The following ST6GALNAC2 variants were observed in gnomAD, a reference collection of about 807,000 sequenced individuals.
ST6GALNAC2 encodes ST6 N-acetylgalactosaminide alpha-2,6-sialyltransferase 2.
Under a neutral mutation model 38.7 loss-of-function variants are expected in ST6GALNAC2, and 42 were observed. The ratio of observed to expected loss-of-function variants is 1.09; its 90% CI spans 0.85 to 1.40. The LOEUF (loss-of-function observed/expected upper bound fraction) is 1.40, where lower values mean the gene tolerates loss of function less well. Ranked by LOEUF, ST6GALNAC2 falls within the 40% of genes most tolerant of loss-of-function variation. The pLI, the probability that ST6GALNAC2 is intolerant of heterozygous loss-of-function variation, is 0.00. For synonymous variants in ST6GALNAC2, 233 were observed against 209.0 expected (o/e 1.11, Z -0.99); for missense variants, 506 against 481.7 (o/e 1.05, Z -0.47).
At chr17:76,579,051 C>T (rs190210409) in intron 1 of ST6GALNAC2, 281 of 299,866 alleles carry the variant, frequency 9.4e-4, no homozygotes, top group African/African-American at 5.0e-3. Context: ...TCCTGAGTAG[C>T]TGGGATTACA....
intron 1 of ST6GALNAC2, among the ~76,000 whole-genome samples, chr17:76,585,261 C>G (rs1451492860): frequency 2.0e-5 from 3 of 152,190 alleles, no homozygotes; most frequent in Non-Finnish European, 4.4e-5. Context: ...AAGTTGGAAA[C>G]CGGAGACTTG....
In ST6GALNAC2 at chr17:76,573,074, C is replaced by T; in HGVS notation, c.530+121G>A. ...TTTTTGCCTTGTCCATGCCCGTGTG[C>T]TGGTCACAACTGCTGAGCCGCCCAG... On this transcript the variant is annotated intron_variant, in intron 4 of 8. Coordinates refer to ENST00000225276, the MANE Select transcript of ST6GALNAC2 (RefSeq NM_006456.3). This position sits in a 1 kb window ranked among gnomAD's most constrained non-coding sequence, Gnocchi z 5.1. The T allele has an allele frequency of 9.0e-7, 1 of 1,112,726 alleles. No individual in the cohort carries two copies. The highest frequency in any genetic ancestry group is 1.3e-6 in the Non-Finnish European group (1 of 791,812). 68.9% of individuals were successfully genotyped at this position (1,112,726 alleles called of 1,614,324 possible).
chr17:76,585,197 G>A (rs182616167), intron 1 of ST6GALNAC2, among the ~76,000 whole-genome samples: 2 of 152,318 alleles, frequency 1.3e-5, no homozygotes, highest in Non-Finnish European at 2.9e-5. Context: ...GGCGGACAGA[G>A]ACCGCAGCGG....
rs777030896 is a variant in ST6GALNAC2 at position 76,585,780 on chromosome 17, CAGA to C, written c.26_28del (p.Phe9del). 6.4e-7 allele frequency: 1 copy of C among 1,555,336 alleles called. No individual in the cohort carries two copies. ...GGCAGCCGTGAGCAGGAGCAGCAGCCAGAAGAACGACCCGCGCGGGAGCCCCAT... is the reference window on the plus strand; with the variant it reads ...GGCAGCCGTGAGCAGGAGCAGCAGCCAGAACGACCCGCGCGGGAGCCCCAT... On this transcript the variant is annotated inframe_deletion, in exon 1 of 9. Coordinates refer to ENST00000225276, the MANE Select transcript of ST6GALNAC2 (RefSeq NM_006456.3).
intron 1 of ST6GALNAC2, 116 bp downstream of exon 1, chr17:76,585,568 G>T: frequency 8.3e-7 from 1 of 1,199,124 alleles, no homozygotes; most frequent in Non-Finnish European, 1.1e-6. Context: ...GCCCCAGAGG[G>T]GTCCACGCGG....
In ST6GALNAC2 at chr17:76,566,347, G is replaced by A. The variant is rs773037963; in HGVS notation, c.958-76C>T. ...CAGACACTTGGGTGAAGTGACATGA[G>A]TTTAGAAAGGTGTCCGTCTGCTGAG... On this transcript the variant is annotated intron_variant, in intron 8 of 8. Coordinates refer to ENST00000225276, the MANE Select transcript of ST6GALNAC2 (RefSeq NM_006456.3). The A allele has an allele frequency of 1.2e-4, 183 of 1,489,604 alleles. 1 individual carries two copies. Among genetic ancestry groups the A allele is most frequent in the South Asian group, 1.8e-4 (15 of 83,686 alleles). 92.3% of individuals were successfully genotyped at this position (1,489,604 alleles called of 1,614,324 possible). A position where few individuals can be genotyped will look rare whatever the true frequency, so the allele number is the denominator to read the frequency against.
chr17:76,575,412 C>T (rs1453747772), intron 2 of ST6GALNAC2, among the ~76,000 whole-genome samples: 1 of 152,064 alleles, frequency 6.6e-6, no homozygotes, highest in East Asian at 1.9e-4. Flanking sequence ...AGGAGGAGGT[C>T]ATATAGGGTG....
At chr17:76,585,579 A>C (rs989844330) in intron 1 of ST6GALNAC2, 105 bp downstream of exon 1, 85 of 1,287,682 alleles carry the variant, frequency 6.6e-5, no homozygotes, top group Non-Finnish European at 8.1e-5. Context: ...GTCCACGCGG[A>C]GGTTGGGCTG....
intron 8 of ST6GALNAC2, among the ~76,000 whole-genome samples, chr17:76,566,668 C>T (rs1292396885): frequency 6.8e-6 from 1 of 147,956 alleles, no homozygotes; most frequent in Non-Finnish European, 1.5e-5. Flanking sequence ...CCAGCCTGGG[C>T]AACATGGTAA....
chr17:76,575,560 G>A lies in ST6GALNAC2; in HGVS notation c.187-1021C>T, dbSNP rs1206714807. 2.6e-5 allele frequency among the ~76,000 whole-genome samples: 4 copies of A among 152,210 alleles called. No homozygotes were observed. The South Asian group carries it at 6.2e-4, about 24-fold the overall frequency. On this transcript the variant is annotated intron_variant, in intron 2 of 8. Coordinates refer to ENST00000225276, the MANE Select transcript of ST6GALNAC2 (RefSeq NM_006456.3). ...CAGGGGAGGCTTTCTTCGAGCCTTC[G>A]GAGGGAGCGTGGCCCTGCCAGCACC...
intron 2 of ST6GALNAC2, among the ~76,000 whole-genome samples, chr17:76,578,311 A>G (rs552191607): frequency 5.9e-5 from 9 of 152,258 alleles, no homozygotes; most frequent in African/African-American, 1.9e-4. Flanking sequence ...CCCAAAATTA[A>G]TGCTGTCTGT....
chr17:76,578,211 AC>A (rs1177944101), intron 2 of ST6GALNAC2, among the ~76,000 whole-genome samples: 5 of 152,102 alleles, frequency 3.3e-5, no homozygotes, highest in Admixed American at 6.6e-5. Flanking sequence ...TAAGCGGGGT[AC>A]TTAACTTCTT....
Position 76,585,829 on chromosome 17 carries a change from C to G in ST6GALNAC2, c.-21G>C, listed in dbSNP as rs1405087098. 5.2e-6 allele frequency: 8 copies of G among 1,526,944 alleles called. No individual in the cohort carries two copies. Among genetic ancestry groups the G allele is most frequent in the Non-Finnish European group, 7.0e-6 (8 of 1,139,892 alleles). 94.6% of individuals were successfully genotyped at this position (1,526,944 alleles called of 1,614,324 possible). A position where few individuals can be genotyped will look rare whatever the true frequency, so the allele number is the denominator to read the frequency against. ...CCCATACAGCCCCGGCCCGCGAGCGCCCCGTCCGCTGACGTCCCAGGCAGA... is the reference window on the plus strand; with the variant it reads ...CCCATACAGCCCCGGCCCGCGAGCGGCCCGTCCGCTGACGTCCCAGGCAGA... On this transcript the variant is annotated 5_prime_UTR_variant, in exon 1 of 9. Transcript: ENST00000225276.
chr17:76,575,815 C>T (rs573894429), intron 2 of ST6GALNAC2, among the ~76,000 whole-genome samples: 1 of 152,358 alleles, frequency 6.6e-6, no homozygotes, highest in South Asian at 2.1e-4. Flanking sequence ...CCTTCTATTA[C>T]TCCTGAATGG....
chr17:76,578,738 G>A lies in ST6GALNAC2; in HGVS notation c.186+18C>T. ...TTGAGGGTGCTCAAAACTGCCACAG[G>A]GTAGTCGACCACTCTACCTTTCCTG... On this transcript the variant is annotated intron_variant, in intron 2 of 8. Coordinates refer to ENST00000225276, the MANE Select transcript of ST6GALNAC2 (RefSeq NM_006456.3). 6.2e-7 allele frequency: 1 copy of A among 1,610,340 alleles called. No individual in the cohort carries two copies. The highest frequency in any genetic ancestry group is 2.2e-5 in the East Asian group (1 of 44,734).
intron 1 of ST6GALNAC2, among the ~76,000 whole-genome samples, chr17:76,580,672 A>G (rs1360211122): frequency 2.0e-5 from 3 of 151,800 alleles, no homozygotes; most frequent in Non-Finnish European, 4.4e-5. Flanking sequence ...GTAAGGGGAG[A>G]TCGCACCACT....
At position 76,573,320 on chromosome 17, in the gene ST6GALNAC2, G is replaced by A; in HGVS notation, c.405C>T (p.Ala135=). 6.3e-7 allele frequency: 1 copy of A among 1,584,346 alleles called. No homozygotes were observed. The highest frequency in any genetic ancestry group is 8.6e-7 in the Non-Finnish European group (1 of 1,164,930). ...TLSLLNGSES[A]KLFAPPRDTP... Reference sequence around the variant, plus strand: ...TGTCCCTGGGCGGGGCAAACAGCTTGGCACTCTCTGAGCCGTTCAGAAGGC... The same window carrying A: ...TGTCCCTGGGCGGGGCAAACAGCTTAGCACTCTCTGAGCCGTTCAGAAGGC... Residue 135 remains alanine, a synonymous_variant, in exon 4 of 9, where the codon GCC becomes GCT. Coordinates refer to ENST00000225276, the MANE Select transcript of ST6GALNAC2 (RefSeq NM_006456.3). This position sits in a 1 kb window ranked among gnomAD's most constrained non-coding sequence, Gnocchi z 5.1.
chr17:76,575,330 C>G (rs1158823092), intron 2 of ST6GALNAC2, among the ~76,000 whole-genome samples: 1 of 152,120 alleles, frequency 6.6e-6, no homozygotes, highest in Non-Finnish European at 1.5e-5. Flanking sequence ...AAGTGTCCCC[C>G]CAAAATTCAT....
intron 3 of ST6GALNAC2, among the ~76,000 whole-genome samples, chr17:76,574,104 C>T (rs2075385326): frequency 6.6e-6 from 1 of 152,216 alleles, no homozygotes; most frequent in South Asian, 2.1e-4. Flanking sequence ...TTGGACGCTG[C>T]AGCCTTTCTT....
Sources: gnomAD v4.1 joint callset for allele counts (sites outside exome capture counted in the v4.1 genomes callset) on GRCh38, gnomAD v4.1.1 for gene constraint, Gnocchi (gnomAD v3.1) non-coding constraint, MANE v1.5 for transcripts, NCBI Gene and HGNC (gene_info 2026-07-23, HGNC 2026-07-21) for gene names.